Variants in BICC1 observed in about 807,000 individuals in gnomAD.
The protein encoded by BICC1 is protein bicaudal C homolog 1.
BICC1 carries 43 observed loss-of-function variants against 111.0 expected under a neutral mutation model. That is an observed-to-expected ratio of 0.39 (90% confidence interval 0.30 to 0.50). The LOEUF is 0.50. BICC1 is among the 20% of genes least tolerant of loss of function. BICC1 has a pLI of 0.88. For missense variants in BICC1, 1,091 were observed against 1,203.2 expected (o/e 0.91, Z 1.38); for synonymous variants, 467 against 434.4 (o/e 1.07, Z -0.93).
At chr10:58,731,221 A>G (rs1039149920) in intron 3 of BICC1, among the ~76,000 whole-genome samples, 1 of 152,246 alleles carries the variant, frequency 6.6e-6, no homozygotes, top group Non-Finnish European at 1.5e-5. Flanking sequence ...TTGCTAAAGC[A>G]TAACAAAAGT....
At chr10:58,520,359 C>G (rs769122684) in intron 1 of BICC1, among the ~76,000 whole-genome samples, 134 of 152,190 alleles carry the variant, frequency 8.8e-4, no homozygotes, top group Middle Eastern at 6.8e-3. Flanking sequence ...CCACCAAATT[C>G]AATGTCTAAT....
At chr10:58,512,861 G>A (rs887595259), upstream of BICC1, among the ~76,000 whole-genome samples, 2 of 148,332 alleles carry the variant, frequency 1.3e-5, no homozygotes, top group Non-Finnish European at 3.0e-5. Context: ...CGCGGGCAGC[G>A]CGGCGCGCTC....
At chr10:58,673,413 T>C (rs986617208) in intron 2 of BICC1, among the ~76,000 whole-genome samples, 1 of 152,146 alleles carries the variant, frequency 6.6e-6, no homozygotes, top group Admixed American at 6.5e-5. Flanking sequence ...TTAGGCTTAA[T>C]TGGACTCAGT....
At chr10:58,614,283 T>G (rs1845530494) in intron 1 of BICC1, among the ~76,000 whole-genome samples, 1 of 152,122 alleles carries the variant, frequency 6.6e-6, no homozygotes, top group African/African-American at 2.4e-5. Context: ...TTGAGTATGC[T>G]TCTCCCTAGG....
intron 2 of BICC1, among the ~76,000 whole-genome samples, chr10:58,645,964 C>T (rs909573297): frequency 2.0e-5 from 3 of 152,144 alleles, no homozygotes; most frequent in Admixed American, 6.6e-5. Flanking sequence ...CAGTTATGGT[C>T]AGTCCTTTAC....
chr10:58,657,008 C>T (rs901481088), intron 2 of BICC1, among the ~76,000 whole-genome samples: 3 of 152,088 alleles, frequency 2.0e-5, no homozygotes, highest in Admixed American at 6.6e-5. Context: ...TATTGAGGCA[C>T]TTCTACCTTC....
chr10:58,683,376 G>A (rs1338609497), intron 2 of BICC1, among the ~76,000 whole-genome samples: 1 of 152,070 alleles, frequency 6.6e-6, no homozygotes, highest in African/African-American at 2.4e-5. Flanking sequence ...GCTCTTTTTT[G>A]GATCCATATG....
At chr10:58,724,668 C>T (rs964421534) in intron 3 of BICC1, among the ~76,000 whole-genome samples, 1 of 152,192 alleles carries the variant, frequency 6.6e-6, no homozygotes, top group African/African-American at 2.4e-5. Flanking sequence ...ATGCTTAGCC[C>T]TACTTGCCCT....
At chr10:58,522,677 A>G (rs1842423404) in intron 1 of BICC1, among the ~76,000 whole-genome samples, 1 of 152,180 alleles carries the variant, frequency 6.6e-6, no homozygotes, top group African/African-American at 2.4e-5. Context: ...TTCAAAAGCT[A>G]GCAGAAGGCA....
chr10:58,702,118 G>A lies in BICC1; in HGVS notation c.282G>A (p.Leu94=), dbSNP rs1318822773. ...TNTQIAWPSK[L]KIGAKSKKDP... is the part of the protein sequence containing the mutation. ...CGCAGATTGCTTGGCCATCAAAACTGAAGATCGGAGCCAAATCCAAGAAAG... is the reference window on the plus strand; with the variant it reads ...CGCAGATTGCTTGGCCATCAAAACTAAAGATCGGAGCCAAATCCAAGAAAG... The change falls in exon 3 of 21, where the codon CTG becomes CTA. Residue 94 remains leucine (L), a synonymous_variant. Transcript: ENST00000373886. The A allele has an allele frequency of 6.2e-7, 1 of 1,613,216 alleles. No individual in the cohort carries two copies. The highest frequency in any genetic ancestry group is 1.7e-5 in the Admixed American group (1 of 59,884).
intron 2 of BICC1, among the ~76,000 whole-genome samples, chr10:58,685,436 C>T (rs1337394769): frequency 1.3e-5 from 2 of 152,096 alleles, no homozygotes; most frequent in African/African-American, 2.4e-5. Flanking sequence ...AACTTTTTGT[C>T]TCATTGTTGT....
intron 2 of BICC1, among the ~76,000 whole-genome samples, chr10:58,637,034 A>G (rs1041537570): frequency 1.3e-5 from 2 of 152,058 alleles, no homozygotes; most frequent in African/African-American, 4.8e-5. Flanking sequence ...ACACAGTTCT[A>G]TAATATTTTT....
intron 3 of BICC1, among the ~76,000 whole-genome samples, chr10:58,727,731 A>G (rs1841154178): frequency 6.6e-6 from 1 of 152,256 alleles, no homozygotes; most frequent in African/African-American, 2.4e-5. Flanking sequence ...TTCCTTTAGC[A>G]GCAAACCTGA....
At chr10:58,760,701 T>C (rs2132680307) in intron 3 of BICC1, among the ~76,000 whole-genome samples, 1 of 152,258 alleles carries the variant, frequency 6.6e-6, no homozygotes, top group African/African-American at 2.4e-5. Flanking sequence ...GAAGATGTCA[T>C]AACCATTCAA....
At chr10:58,728,299 TG>T (rs1448678332) in intron 3 of BICC1, among the ~76,000 whole-genome samples, 1 of 152,218 alleles carries the variant, frequency 6.6e-6, no homozygotes, top group Non-Finnish European at 1.5e-5. Flanking sequence ...TATACATTTT[TG>T]GTTTTCATTT....
intron 1 of BICC1, among the ~76,000 whole-genome samples, chr10:58,593,242 C>T (rs2065797873): frequency 1.3e-5 from 2 of 152,168 alleles, no homozygotes; most frequent in Non-Finnish European, 1.5e-5. Context: ...CAGCCCAGGT[C>T]AGGAACTTAC....
intron 20 of BICC1, among the ~76,000 whole-genome samples, chr10:58,821,061 T>C (rs1167073884): frequency 6.6e-6 from 1 of 152,150 alleles, no homozygotes; most frequent in Non-Finnish European, 1.5e-5. Context: ...GTTGCATATA[T>C]ATTTTAGAAA....
intron 2 of BICC1, among the ~76,000 whole-genome samples, chr10:58,639,557 C>T (rs1166410855): frequency 1.5e-5 from 2 of 134,770 alleles, no homozygotes; most frequent in Non-Finnish European, 3.1e-5. Flanking sequence ...GCCACCACAC[C>T]CAGCTAATTG....
chr10:58,679,910 T>G (rs1292835113), intron 2 of BICC1, among the ~76,000 whole-genome samples: 2 of 152,112 alleles, frequency 1.3e-5, no homozygotes, highest in Non-Finnish European at 2.9e-5. Flanking sequence ...ACATAATTCA[T>G]CATATAAACA....
Sources: gnomAD v4.1 joint callset for allele counts (sites outside exome capture counted in the v4.1 genomes callset) on GRCh38, gnomAD v4.1.1 for gene constraint, MANE v1.5 for transcripts, NCBI Gene and HGNC (gene_info 2026-07-23, HGNC 2026-07-21) for gene names.